The following DENND1A variants were observed in gnomAD, a reference collection of about 807,000 sequenced individuals.
DENND1A encodes the protein DENN domain-containing protein 1A.
Under a neutral mutation model 113.7 loss-of-function variants are expected in DENND1A, and 51 were observed. The ratio of observed to expected loss-of-function variants is 0.45; its 90% confidence interval spans 0.36 to 0.57. The LOEUF (loss-of-function observed/expected upper bound fraction) is 0.57. Ranked by LOEUF, DENND1A falls within the 20% of genes least tolerant of loss-of-function variation. DENND1A has a pLI of 0.00. For synonymous variants in DENND1A, 565 were observed against 570.8 expected (o/e 0.99, Z 0.14); for missense variants, 1,258 against 1,395.9 (o/e 0.90, Z 1.57).
intron 21 of DENND1A, chr9:123,402,491 C>T (rs375472890): frequency 2.4e-5 from 13 of 534,628 alleles, no homozygotes; most frequent in Middle Eastern, 3.2e-4. Context: ...TTCCCATTTT[C>T]TGAGAGCCAG....
At chr9:123,647,261 G>C (rs2062389179) in intron 9 of DENND1A, among the ~76,000 whole-genome samples, 1 of 152,072 alleles carries the variant, frequency 6.6e-6, no homozygotes, top group Non-Finnish European at 1.5e-5. Flanking sequence ...CTTGGCTCAG[G>C]GGCCAGCAAA....
At chr9:123,588,737 C>T (rs2059318001) in intron 11 of DENND1A, among the ~76,000 whole-genome samples, 1 of 150,982 alleles carries the variant, frequency 6.6e-6, no homozygotes, top group South Asian at 2.1e-4. Context: ...TTCTCCCTTC[C>T]TACGTGTTAA....
intron 3 of DENND1A, among the ~76,000 whole-genome samples, chr9:123,783,301 A>G (rs974594047): frequency 6.6e-6 from 1 of 152,154 alleles, no homozygotes; most frequent in Non-Finnish European, 1.5e-5. Flanking sequence ...ATTCACTTTT[A>G]CCTTTGTGAC....
At chr9:123,904,060 G>A (rs1368963793) in intron 1 of DENND1A, among the ~76,000 whole-genome samples, 2 of 152,076 alleles carry the variant, frequency 1.3e-5, no homozygotes, top group African/African-American at 4.8e-5. Context: ...GTGGTTCCCT[G>A]ACCCCTGACC....
intron 19 of DENND1A, among the ~76,000 whole-genome samples, chr9:123,412,461 C>T (rs1274978910): frequency 3.9e-5 from 6 of 152,232 alleles, no homozygotes; most frequent in Admixed American, 2.6e-4. Context: ...CCTGCCCCCA[C>T]GGGACCTCTT....
chr9:123,736,563 A>G (rs1404398764), intron 5 of DENND1A: 1 of 152,218 alleles, frequency 6.6e-6, no homozygotes, highest in East Asian at 1.9e-4. Context: ...AATGCTGATA[A>G]TAAGATACAA....
intron 13 of DENND1A, among the ~76,000 whole-genome samples, chr9:123,530,927 T>G (rs888574099): frequency 1.3e-5 from 2 of 152,222 alleles, no homozygotes; most frequent in African/African-American, 2.4e-5. Flanking sequence ...TTTTCTCTCT[T>G]TCCAAATTTC....
At chr9:123,903,547 T>C (rs1042684666) in intron 1 of DENND1A, among the ~76,000 whole-genome samples, 7 of 152,004 alleles carry the variant, frequency 4.6e-5, no homozygotes, top group African/African-American at 9.7e-5. Context: ...GGGTGAGGCA[T>C]TGCCTCACTT....
intron 5 of DENND1A, among the ~76,000 whole-genome samples, chr9:123,740,899 T>TGAGAGAGTGAGAGAGA (rs2068953709): frequency 4.6e-5 from 5 of 108,868 alleles, no homozygotes; most frequent in African/African-American, 1.9e-4. Flanking sequence ...GAAGGGAAAG[T>TGAGAGAGTGAGAGAGA]GAGAGAGAGA....
At chr9:123,691,928 G>A (rs2065215332) in intron 5 of DENND1A, among the ~76,000 whole-genome samples, 1 of 152,306 alleles carries the variant, frequency 6.6e-6, no homozygotes, top group South Asian at 2.1e-4. Context: ...AGGAGCTCCT[G>A]TCATGTAGAA....
chr9:123,917,521 C>T (rs1855378087), intron 1 of DENND1A, among the ~76,000 whole-genome samples: 1 of 152,040 alleles, frequency 6.6e-6, no homozygotes, highest in African/African-American at 2.4e-5. Flanking sequence ...TTAAATAAAA[C>T]TGCTATAGTC....
At chr9:123,555,741 C>T (rs936056987) in intron 13 of DENND1A, among the ~76,000 whole-genome samples, 4 of 152,220 alleles carry the variant, frequency 2.6e-5, no homozygotes, top group Non-Finnish European at 5.9e-5. Context: ...GGGCTTCTGT[C>T]CTTAAATCCA....
intron 1 of DENND1A, among the ~76,000 whole-genome samples, chr9:123,900,611 C>T (rs1175535276): frequency 6.6e-6 from 1 of 152,172 alleles, no homozygotes; most frequent in Non-Finnish European, 1.5e-5. Context: ...AATGAGGCTG[C>T]GGTCAGACTA....
intron 2 of DENND1A, among the ~76,000 whole-genome samples, chr9:123,813,177 G>A (rs370137064): frequency 6.6e-6 from 1 of 152,060 alleles, no homozygotes; most frequent in East Asian, 1.9e-4. Context: ...TGTCCAGGCT[G>A]GTCTCGAACT....
chr9:123,553,512 G>A (rs2057249740), intron 13 of DENND1A, among the ~76,000 whole-genome samples: 1 of 151,926 alleles, frequency 6.6e-6, no homozygotes, highest in Non-Finnish European at 1.5e-5. Context: ...TCTAAGAAGA[G>A]TTTTTATGTG....
At chr9:123,919,844 T>G (rs1468745142) in intron 1 of DENND1A, among the ~76,000 whole-genome samples, 15 of 141,126 alleles carry the variant, frequency 1.1e-4, no homozygotes, top group African/African-American at 4.1e-4. Flanking sequence ...ATTGCATCAC[T>G]GCACTCCAGC....
intron 2 of DENND1A, among the ~76,000 whole-genome samples, chr9:123,853,651 G>C (rs1843719627): frequency 6.6e-6 from 1 of 152,158 alleles, no homozygotes. Flanking sequence ...GTGACAGAGT[G>C]AGACTCTGTC....
In DENND1A at chr9:123,381,178, G is replaced by A; in HGVS notation, c.*254C>T. 1.8e-6 allele frequency: 1 copy of A among 550,552 alleles called. No homozygotes were observed. The highest frequency in any genetic ancestry group is 3.3e-6 in the Non-Finnish European group (1 of 306,222). The allele number at this position is 550,552 out of a possible 1,614,324, so 34.1% of individuals were successfully genotyped here. A position where few individuals can be genotyped will look rare whatever the true frequency, so the allele number is the denominator to read the frequency against. ...TTTAGTGCAAAACCCAATCAAGGGT[G>A]CCGAGGAGAGGCAACCGCGGGGTGG... On this transcript the variant is annotated 3_prime_UTR_variant, in exon 24 of 24. Transcript: ENST00000394215. This position sits in a 1 kb window ranked among gnomAD's most constrained non-coding sequence, Gnocchi z 4.7.
At chr9:123,491,510 A>G (rs150415396) in intron 13 of DENND1A, among the ~76,000 whole-genome samples, 92 of 152,304 alleles carry the variant, frequency 6.0e-4, no homozygotes, top group South Asian at 1.7e-3. Context: ...CAAGGAGCTT[A>G]TAAGTGAGGG....
Sources: gnomAD v4.1 joint callset for allele counts (sites outside exome capture counted in the v4.1 genomes callset) on GRCh38, gnomAD v4.1.1 for gene constraint, Gnocchi (gnomAD v3.1) non-coding constraint, MANE v1.5 for transcripts, NCBI Gene and HGNC (gene_info 2026-07-23, HGNC 2026-07-21) for gene names.